Variants in CDH26 observed in about 807,000 individuals in gnomAD.
The protein encoded by CDH26 is cadherin 26.
In CDH26, 83 loss-of-function variants were observed where a neutral mutation model predicts 90.3. The observed-to-expected ratio is 0.92, with a 90% CI of 0.77 to 1.10. CDH26 has a LOEUF of 1.10. Among genes scored for constraint, CDH26 ranks in the 50% least tolerant of loss-of-function variants. The pLI is 0.00. For missense variants in CDH26, 1,013 were observed against 1,037.6 expected, an observed-to-expected ratio of 0.98 and a Z score of 0.33; for synonymous variants, 397 against 396.3, an observed-to-expected ratio of 1.00 and a Z score of -0.02.
At chr20:60,016,596 C>T (rs368345422), downstream of CDH26, among the ~76,000 whole-genome samples, 79 of 150,942 alleles carry the variant, frequency 5.2e-4, no homozygotes, top group South Asian at 0.016. Context: ...AATTTGAATT[C>T]CCTTTTTTTC....
intron 16 of CDH26, among the ~76,000 whole-genome samples, chr20:60,004,164 C>G (rs921125690): frequency 3.3e-5 from 5 of 152,206 alleles, no homozygotes; most frequent in Non-Finnish European, 5.9e-5. Context: ...TGGTCCACAC[C>G]TTGCCTCTTT....
At chr20:59,986,981 G>A (rs1216550263) in intron 7 of CDH26, among the ~76,000 whole-genome samples, 1 of 152,142 alleles carries the variant, frequency 6.6e-6, no homozygotes, top group Non-Finnish European at 1.5e-5. Context: ...TGAAGTGCTT[G>A]TCTAGAAACA....
At chr20:59,968,053 GTCTCTCTCTC>G (rs1229883988) in intron 1 of CDH26, among the ~76,000 whole-genome samples, 1 of 70,708 alleles carries the variant, frequency 1.4e-5, no homozygotes, top group Non-Finnish European at 2.8e-5. Context: ...CTCTCTCTCT[GTCTCTCTCTC>G]TCTCTCTCTC....
chr20:59,982,960 T>C lies in CDH26; in HGVS notation c.431T>C (p.Ile144Thr), dbSNP rs6015609. Residue 144 changes from isoleucine (I) to threonine (T), a missense_variant, in exon 5 of 18, where the codon ATT becomes ACT. Physicochemically the swap from Ile to Thr is moderately conservative, Grantham distance 89. Transcript: ENST00000348616. Reference sequence around the variant, plus strand: ...GTTGTGGAGCGCTCAACAGGAAAAATTGTGGATACATCCTTGATTTTCAAC... The same window carrying C: ...GTTGTGGAGCGCTCAACAGGAAAAACTGTGGATACATCCTTGATTTTCAAC... ...FDVVERSTGK[I>T]VDTSLIFNIR... 13,304 of 1,613,926 alleles carry C rather than the reference T, an allele frequency of 8.2e-3. 919 individuals are homozygous for C. In the African/African-American group the frequency reaches 0.15, roughly 19 times the overall value.
exon 9 of CDH26, chr20:60,033,717 G>A: frequency 2.4e-6 from 3 of 1,272,604 alleles, no homozygotes; most frequent in Non-Finnish European, 3.1e-6. Context: ...GCTGTTGGCG[G>A]TGAGGGCCTT....
At chr20:60,005,790 C>G (rs1262505569) in intron 16 of CDH26, among the ~76,000 whole-genome samples, 2 of 152,160 alleles carry the variant, frequency 1.3e-5, no homozygotes, top group Non-Finnish European at 2.9e-5. Context: ...CAGCCTAAGA[C>G]AGACCTATGT....
chr20:60,031,028 A>G (rs2062035960), intron 7 of CDH26, among the ~76,000 whole-genome samples: 1 of 152,178 alleles, frequency 6.6e-6, no homozygotes, highest in South Asian at 2.1e-4. Context: ...GCACATTTTT[A>G]TGGTTATTTC....
At chr20:59,995,807 A>G (rs1601165249) in intron 11 of CDH26, 26 bp from the exon 12 acceptor site, 1 of 1,601,464 alleles carries the variant, frequency 6.2e-7, no homozygotes, top group Non-Finnish European at 8.6e-7. Context: ...GAGTCAATGC[A>G]TGCCATGTTC....
chr20:59,977,871 C>T (rs1222491875), intron 4 of CDH26, among the ~76,000 whole-genome samples: 5 of 152,170 alleles, frequency 3.3e-5, no homozygotes, highest in South Asian at 2.1e-4. Context: ...ATGACAGTGT[C>T]GTATAGAATA....
chr20:59,963,857 A>G (rs902819707), intron 1 of CDH26, among the ~76,000 whole-genome samples: 2 of 151,842 alleles, frequency 1.3e-5, no homozygotes, highest in African/African-American at 4.8e-5. Context: ...TCATCCAAAA[A>G]TAAAAAAAAA....
chr20:60,023,366 G>A (rs2061973196), intron 7 of CDH26, among the ~76,000 whole-genome samples: 1 of 152,206 alleles, frequency 6.6e-6, no homozygotes, highest in East Asian at 1.9e-4. Flanking sequence ...GCTACAAGTA[G>A]CAGAACCGAA....
intron 7 of CDH26, among the ~76,000 whole-genome samples, chr20:60,020,287 C>A (rs142827532): frequency 2.0e-5 from 3 of 152,296 alleles, no homozygotes; most frequent in Middle Eastern, 3.4e-3. Context: ...CTTCCTGCAG[C>A]AGCCCACAGG....
intron 16 of CDH26, among the ~76,000 whole-genome samples, chr20:60,003,985 A>G (rs1003884840): frequency 7.9e-5 from 12 of 152,208 alleles, no homozygotes; most frequent in African/African-American, 2.9e-4. Context: ...GATGAGCCCC[A>G]TGCTTGGTCA....
chr20:60,011,427 A>C (rs1203254613), intron 17 of CDH26, among the ~76,000 whole-genome samples: 1 of 152,182 alleles, frequency 6.6e-6, no homozygotes, highest in Non-Finnish European at 1.5e-5. Flanking sequence ...CGTGCTTGTT[A>C]TTGTGTTTTG....
Position 59,964,805 on chromosome 20 carries a change from T to G in CDH26, c.70-4162T>G, listed in dbSNP as rs181224569. Among the ~76,000 whole-genome samples the G allele has an allele frequency of 3.9e-5, 6 of 152,308 alleles. No individual in the cohort carries two copies. The East Asian group carries it at 1.2e-3, about 29-fold the overall frequency. ...TATGTCTTATCATAATAAAATGAAT[T>G]TACAGAGCTTTAGTGTTGAAAGAGC... On this transcript the variant is annotated intron_variant, in intron 1 of 17. Transcript: ENST00000348616.
chr20:59,994,438 G>C lies in CDH26; in HGVS notation c.1615G>C (p.Asp539His). 6.2e-7 allele frequency: 1 copy of C among 1,614,174 alleles called. No individual in the cohort carries two copies. Among genetic ancestry groups the C allele is most frequent in the Non-Finnish European group, 8.5e-7 (1 of 1,180,038 alleles). ...CTCTGACCCATTTACATTTGAATTG[G>C]ACAATACCTGGGGAAATGCGGAGGA... ...PFSDPFTFEL[D>H]NTWGNAEDTW... Residue 539 changes from aspartate to histidine, a missense_variant, in exon 11 of 18, where the codon GAC becomes CAC. Coordinates refer to ENST00000348616, the MANE Select transcript of CDH26 (RefSeq NM_177980.4).
intron 1 of CDH26, among the ~76,000 whole-genome samples, chr20:59,961,006 T>C (rs925451612): frequency 6.6e-6 from 1 of 152,222 alleles, no homozygotes; most frequent in African/African-American, 2.4e-5. Context: ...TTGGTACCAG[T>C]TGCTTGAGGT....
At chr20:59,997,287 T>A (rs2061610726) in intron 13 of CDH26, among the ~76,000 whole-genome samples, 7 of 152,290 alleles carry the variant, frequency 4.6e-5, no homozygotes, top group Admixed American at 3.3e-4. Flanking sequence ...CCTGCTCTTC[T>A]ACCATTGTCC....
intron 5 of CDH26, 109 bp from the exon 6 acceptor site, chr20:59,984,530 C>T (rs2061429107): frequency 4.1e-6 from 3 of 726,352 alleles, no homozygotes; most frequent in South Asian, 3.8e-5. Context: ...TTAAACATTC[C>T]ACTCATTTTG....
Sources: allele counts gnomAD v4.1 joint callset (sites outside exome capture counted in the v4.1 genomes callset), GRCh38; gene constraint gnomAD v4.1.1; transcripts MANE v1.5; gene names NCBI Gene and HGNC (gene_info 2026-07-23, HGNC 2026-07-21).